Variants in BICD1 observed in about 807,000 individuals in gnomAD.
BICD1 encodes the protein BICD cargo adaptor 1.
Under a neutral mutation model 92.5 loss-of-function variants are expected in BICD1, and 35 were observed. That is an observed-to-expected ratio of 0.38 (90% confidence interval 0.29 to 0.50). The LOEUF is 0.50. Ranked by LOEUF, BICD1 falls within the 20% of genes least tolerant of loss-of-function variation. The probability of loss-of-function intolerance (pLI) is 0.93; values close to 1 mark genes in which losing one functional copy is unlikely to be tolerated. For synonymous variants in BICD1, 429 were observed against 465.1 expected (o/e 0.92, Z 1.00); for missense variants, 950 against 1,189.8 (o/e 0.80, Z 2.97).
At chr12:32,128,950 CT>C (rs996809680) in intron 1 of BICD1, among the ~76,000 whole-genome samples, 1 of 147,122 alleles carries the variant, frequency 6.8e-6, no homozygotes, top group African/African-American at 2.5e-5. Context: ...TTTTTTTTTT[CT>C]TTTTTTTTGA....
At chr12:32,150,780 TA>T (rs916590366) in intron 1 of BICD1, among the ~76,000 whole-genome samples, 11 of 151,210 alleles carry the variant, frequency 7.3e-5, no homozygotes, top group African/African-American at 2.7e-4. Flanking sequence ...TCTGATATCT[TA>T]AAAAAAAATA....
intron 1 of BICD1, among the ~76,000 whole-genome samples, chr12:32,131,808 GGTACAAA>G (rs997474949): frequency 7.8e-4 from 119 of 152,154 alleles, no homozygotes; most frequent in Non-Finnish European, 1.3e-3. Flanking sequence ...TAGGTGCCAG[GGTACAAA>G]GTTCCTGCCC....
At chr12:32,232,205 CA>C (rs1185240868) in intron 2 of BICD1, among the ~76,000 whole-genome samples, 1 of 149,096 alleles carries the variant, frequency 6.7e-6, no homozygotes, top group African/African-American at 2.5e-5. Context: ...GTCCCACCAA[CA>C]GTGTAAAAGT....
At chr12:32,182,278 C>CTTTCTTTTTTTT (rs1198874082) in intron 1 of BICD1, among the ~76,000 whole-genome samples, 1 of 81,422 alleles carries the variant, frequency 1.2e-5, no homozygotes, top group South Asian at 4.6e-4. Flanking sequence ...TTCTTTCTTT[C>CTTTCTTTTTTTT]TTTTTTTTTT....
chr12:32,263,330 C>T (rs1258735987), intron 2 of BICD1, among the ~76,000 whole-genome samples: 2 of 151,960 alleles, frequency 1.3e-5, no homozygotes, highest in African/African-American at 2.4e-5. Context: ...GGGTGGATCA[C>T]GAGGTCAGGA....
In BICD1 at chr12:32,226,905, G is replaced by T. The variant is rs117194300; in HGVS notation, c.426+10446G>T. On this transcript the variant is annotated intron_variant, in intron 2 of 9. Coordinates refer to ENST00000652176, the MANE Select transcript of BICD1 (RefSeq NM_001714.4). ...AGTGTGCCTGGGGCTGGAGCCTGGC[G>T]GGGAAGGGAATGTGGGCTCACAGTT... 5.6e-3 allele frequency among the ~76,000 whole-genome samples: 852 copies of T among 152,320 alleles called. 6 individuals carry two copies. The highest frequency in any genetic ancestry group is 0.018 in the East Asian group (95 of 5,176).
chr12:32,225,954 A>T (rs1945676267), intron 2 of BICD1, among the ~76,000 whole-genome samples: 1 of 151,996 alleles, frequency 6.6e-6, no homozygotes, highest in Non-Finnish European at 1.5e-5. Flanking sequence ...AGCAACTCTA[A>T]TAGGTGTGTA....
At chr12:32,172,999 C>T (rs927210819) in intron 1 of BICD1, among the ~76,000 whole-genome samples, 1 of 152,178 alleles carries the variant, frequency 6.6e-6, no homozygotes, top group African/African-American at 2.4e-5. Flanking sequence ...CCGCTCAGCT[C>T]CCAGCTGACT....
intron 1 of BICD1, among the ~76,000 whole-genome samples, chr12:32,186,642 G>A (rs1169936469): frequency 1.3e-5 from 2 of 152,192 alleles, no homozygotes; most frequent in African/African-American, 2.4e-5. Flanking sequence ...CAAATATGGA[G>A]TGCAGAAAAC....
intron 2 of BICD1, among the ~76,000 whole-genome samples, chr12:32,224,490 C>A (rs1456201003): frequency 6.6e-6 from 1 of 152,196 alleles, no homozygotes; most frequent in Non-Finnish European, 1.5e-5. Flanking sequence ...AAAGTTCTTT[C>A]TAATACTTGC....
intron 2 of BICD1, among the ~76,000 whole-genome samples, chr12:32,291,373 T>TA (rs1947722702): frequency 6.6e-6 from 1 of 151,656 alleles, no homozygotes; most frequent in Non-Finnish European, 1.5e-5. Flanking sequence ...CCCACCTCTA[T>TA]AAAAAATTTA....
chr12:32,311,727 G>C lies in BICD1; in HGVS notation c.1005+5605G>C, dbSNP rs202097722. ...GCTCTCAGATAGCTGACTTCAGAGA[G>C]AGCAGGTTGTAAAATGTTTCTTATT... On this transcript the variant is annotated intron_variant, in intron 4 of 9. Coordinates refer to ENST00000652176, the MANE Select transcript of BICD1 (RefSeq NM_001714.4). Among the ~76,000 whole-genome samples, 21 of 152,312 alleles carry C rather than the reference G, an allele frequency of 1.4e-4. No homozygotes were observed. The East Asian group carries it at 3.5e-3, about 25-fold the overall frequency.
At chr12:32,118,292 A>G (rs953171540) in intron 1 of BICD1, among the ~76,000 whole-genome samples, 2 of 149,256 alleles carry the variant, frequency 1.3e-5, no homozygotes, top group Admixed American at 6.7e-5. Context: ...CGTGTTAGCC[A>G]GGATGGTCTC....
intron 4 of BICD1, among the ~76,000 whole-genome samples, chr12:32,312,985 A>G (rs1175467364): frequency 1.3e-5 from 2 of 152,206 alleles, no homozygotes; most frequent in African/African-American, 4.8e-5. Flanking sequence ...TTCTGTCTGG[A>G]AATACTAACT....
intron 8 of BICD1, among the ~76,000 whole-genome samples, chr12:32,366,858 A>ACCAGTAAACAGACTGCTC (rs1939543643): frequency 6.6e-6 from 1 of 152,222 alleles, no homozygotes; most frequent in South Asian, 2.1e-4. Context: ...GTCACCTAGT[A>ACCAGTAAACAGACTGCTC]CCAGTAAACA....
chr12:32,122,685 C>T (rs1942199296), intron 1 of BICD1, among the ~76,000 whole-genome samples: 1 of 151,944 alleles, frequency 6.6e-6, no homozygotes, highest in Non-Finnish European at 1.5e-5. Flanking sequence ...CAATTATTTG[C>T]TAAAATTTAG....
chr12:32,319,028 G>A (rs1367931241), intron 4 of BICD1, among the ~76,000 whole-genome samples: 1 of 152,146 alleles, frequency 6.6e-6, no homozygotes, highest in African/African-American at 2.4e-5. Context: ...CCTAATAGTT[G>A]TTTCTTAGTG....
At chr12:32,220,755 A>G (rs531003304) in intron 2 of BICD1, among the ~76,000 whole-genome samples, 65 of 144,928 alleles carry the variant, frequency 4.5e-4, no homozygotes, top group African/African-American at 1.4e-3. Flanking sequence ...TATATACCCA[A>G]AGGATTATAA....
intron 4 of BICD1, among the ~76,000 whole-genome samples, chr12:32,321,200 C>A (rs1486442667): frequency 6.6e-6 from 1 of 152,044 alleles, no homozygotes; most frequent in Non-Finnish European, 1.5e-5. Flanking sequence ...GTGGCACGTC[C>A]CTGTAAGCCC....
Sources: allele counts gnomAD v4.1 joint callset (sites outside exome capture counted in the v4.1 genomes callset), GRCh38; gene constraint gnomAD v4.1.1; transcripts MANE v1.5; gene names NCBI Gene and HGNC (gene_info 2026-07-23, HGNC 2026-07-21).